NCAM1: variants seen among roughly 807,000 people sequenced by gnomAD.
NCAM1 encodes the protein neural cell adhesion molecule 1.
Under a neutral mutation model 109.8 loss-of-function variants are expected in NCAM1, and 14 were observed. The observed-to-expected ratio is 0.13, with a 90% CI of 0.08 to 0.20. NCAM1 has a LOEUF of 0.20. Ranked by LOEUF, NCAM1 falls within the 10% of genes least tolerant of loss-of-function variation. The pLI is 1.00. For synonymous variants in NCAM1, 418 were observed against 442.9 expected (o/e 0.94, Z 0.70); for missense variants, 774 against 1,109.9 (o/e 0.70, Z 4.30).
At chr11:112,971,956 A>G (rs1450828606) in intron 1 of NCAM1, among the ~76,000 whole-genome samples, 1 of 152,190 alleles carries the variant, frequency 6.6e-6, no homozygotes, top group African/African-American at 2.4e-5. Flanking sequence ...CACACTTGTA[A>G]TGACTTTGGA....
chr11:113,117,113 A>G (rs897927179), intron 1 of NCAM1, among the ~76,000 whole-genome samples: 3 of 151,978 alleles, frequency 2.0e-5, no homozygotes, highest in Non-Finnish European at 1.5e-5. Context: ...TTGGGGCAGC[A>G]TTAATATCTT....
At position 112,962,021 on chromosome 11, in the gene NCAM1, G is replaced by A. The variant is rs1185142853; in HGVS notation, c.52+357G>A. ...CTTCCCCAAAGGCGGGCGGCGGGGC[G>A]GGGGAGGTCGCGGCTCGGGTGGTGC... is the stretch of plus-strand genomic sequence containing the variant. On this transcript the variant is annotated intron_variant, in intron 1 of 19. Transcript: ENST00000316851. The surrounding 1 kb of genome is among the most constrained non-coding windows in gnomAD (Gnocchi z 5.6). Among the ~76,000 whole-genome samples the A allele has an allele frequency of 6.6e-6, 1 of 152,154 alleles. No homozygotes were observed. Among genetic ancestry groups the A allele is most frequent in the Non-Finnish European group, 1.5e-5 (1 of 68,006 alleles).
At chr11:113,138,454 T>C (rs1410342147) in intron 1 of NCAM1, among the ~76,000 whole-genome samples, 2 of 152,192 alleles carry the variant, frequency 1.3e-5, no homozygotes, top group African/African-American at 2.4e-5. Flanking sequence ...TGCTTTCAAA[T>C]AGCAAACGGC....
In NCAM1 at chr11:113,204,374, G is replaced by A. The variant is rs1555112457; in HGVS notation, c.216G>A (p.Val72=). 1.2e-6 allele frequency: 2 copies of A among 1,614,002 alleles called. No homozygotes were observed. Among genetic ancestry groups the A allele is most frequent in the East Asian group, 2.2e-5 (1 of 44,878 alleles). Residue 72 remains valine (V), a synonymous_variant, in exon 3 of 20, where the codon GTG becomes GTA. Transcript: ENST00000316851. ...LTPNQQRISV[V]WNDDSSSTLT... Reference sequence around the variant, plus strand: ...CAAACCAGCAGCGGATCTCAGTGGTGTGGAATGATGATTCCTCCTCCACCC... The same window carrying A: ...CAAACCAGCAGCGGATCTCAGTGGTATGGAATGATGATTCCTCCTCCACCC...
intron 1 of NCAM1, among the ~76,000 whole-genome samples, chr11:113,143,304 A>T (rs532120324): frequency 7.9e-5 from 12 of 152,178 alleles, no homozygotes; most frequent in African/African-American, 2.7e-4. Flanking sequence ...GATCTGGATG[A>T]TTTTCAAAAA....
intron 1 of NCAM1, among the ~76,000 whole-genome samples, chr11:112,966,346 AAT>A (rs782177762): frequency 2.0e-4 from 30 of 152,236 alleles, no homozygotes; most frequent in Non-Finnish European, 3.5e-4. Flanking sequence ...TACTTTTCAT[AAT>A]ATACTCAGTG....
At chr11:112,974,950 C>A (rs1442326927) in intron 1 of NCAM1, among the ~76,000 whole-genome samples, 1 of 151,938 alleles carries the variant, frequency 6.6e-6, no homozygotes, top group Non-Finnish European at 1.5e-5. Context: ...TTGCTAAAGT[C>A]CAAAGCGGGC....
intron 1 of NCAM1, among the ~76,000 whole-genome samples, chr11:113,179,232 C>A (rs527275356): frequency 6.6e-6 from 1 of 152,220 alleles, no homozygotes; most frequent in Non-Finnish European, 1.5e-5. Flanking sequence ...TACATTTTAA[C>A]AATTTTGAAG....
intron 1 of NCAM1, among the ~76,000 whole-genome samples, chr11:113,039,436 C>T (rs17114730): frequency 0.13 from 19,959 of 152,164 alleles, 1,312 homozygotes; most frequent in African/African-American, 0.14. Context: ...TACACTGTGT[C>T]GGTATGTTGC....
At chr11:113,245,290 A>C (rs1341920997) in intron 14 of NCAM1, among the ~76,000 whole-genome samples, 1 of 152,154 alleles carries the variant, frequency 6.6e-6, no homozygotes, top group Non-Finnish European at 1.5e-5. Flanking sequence ...AAAAATAGAA[A>C]AATTAGCTGG....
chr11:113,226,585 A>G (rs1180561811), intron 9 of NCAM1, among the ~76,000 whole-genome samples: 1 of 152,248 alleles, frequency 6.6e-6, no homozygotes, highest in Non-Finnish European at 1.5e-5. Flanking sequence ...TGGAGCTAAT[A>G]GACATCTACA....
chr11:113,063,337 C>G (rs1555083719), intron 1 of NCAM1, among the ~76,000 whole-genome samples: 1 of 152,174 alleles, frequency 6.6e-6, no homozygotes, highest in African/African-American at 2.4e-5. Context: ...TAGCCTTCCT[C>G]CCTTTCTGAT....
chr11:112,973,953 A>G (rs1049997936), intron 1 of NCAM1, among the ~76,000 whole-genome samples: 13 of 152,254 alleles, frequency 8.5e-5, no homozygotes, highest in Non-Finnish European at 1.8e-4. Context: ...TAGTTAAAAA[A>G]TTAAAAGTGG....
At chr11:113,260,523 C>T in intron 17 of NCAM1, 200 bp downstream of exon 17, 1 of 556,592 alleles carries the variant, frequency 1.8e-6, no homozygotes, top group East Asian at 3.3e-5. Flanking sequence ...GAAGGCTTGG[C>T]CAAGCATCCT....
intron 7 of NCAM1, among the ~76,000 whole-genome samples, chr11:113,213,661 C>T (rs1478998920): frequency 1.3e-5 from 2 of 152,192 alleles, no homozygotes; most frequent in African/African-American, 4.8e-5. Flanking sequence ...AACCTTCCTC[C>T]AGCATCTGTC....
chr11:112,964,712 A>G (rs1436707793), intron 1 of NCAM1, among the ~76,000 whole-genome samples: 1 of 152,236 alleles, frequency 6.6e-6, no homozygotes, highest in Non-Finnish European at 1.5e-5. Flanking sequence ...ATTTCACTGA[A>G]TGTAATAAAG....
At chr11:113,009,312 G>GTTTTTTTTTTTTT (rs781818836) in intron 1 of NCAM1, among the ~76,000 whole-genome samples, 64 of 79,676 alleles carry the variant, frequency 8.0e-4, no homozygotes, top group Non-Finnish European at 9.7e-4. Context: ...GTTTTTTCGG[G>GTTTTTTTTTTTTT]TTTTTTTTTT....
intron 1 of NCAM1, among the ~76,000 whole-genome samples, chr11:113,097,136 G>C (rs1939638859): frequency 6.6e-6 from 1 of 152,180 alleles, no homozygotes; most frequent in Non-Finnish European, 1.5e-5. Context: ...AAAGCTTGCT[G>C]AAGCCTCAGA....
At position 113,215,314 on chromosome 11, in the gene NCAM1, T is replaced by C. The variant is rs77147555; in HGVS notation, c.1059+803T>C. Among the ~76,000 whole-genome samples the C allele has an allele frequency of 4.9e-4, 74 of 152,284 alleles. No homozygotes were observed. The East Asian group carries it at 0.014, about 28-fold the overall frequency. Reference sequence around the variant, plus strand: ...TCATTTTAATGCAACTTAAACCGTCTTATGGTACTTCTCCAATCTCATCTC... The same window carrying C: ...TCATTTTAATGCAACTTAAACCGTCCTATGGTACTTCTCCAATCTCATCTC... On this transcript the variant is annotated intron_variant, in intron 8 of 19. Coordinates refer to ENST00000316851, the MANE Select transcript of NCAM1 (RefSeq NM_181351.5).
Sources: allele counts gnomAD v4.1 joint callset (sites outside exome capture counted in the v4.1 genomes callset), GRCh38; gene constraint gnomAD v4.1.1; non-coding constraint Gnocchi (gnomAD v3.1); transcripts MANE v1.5; gene names NCBI Gene and HGNC (gene_info 2026-07-23, HGNC 2026-07-21).